IQSEC1: variants seen among roughly 807,000 people sequenced by gnomAD.
The protein encoded by IQSEC1 is IQ motif and Sec7 domain ArfGEF 1.
A neutral mutation model predicts 91.0 loss-of-function variants in IQSEC1; 31 were observed. That is an observed-to-expected ratio of 0.34 (90% confidence interval 0.26 to 0.46). IQSEC1 has a LOEUF of 0.46. Ranked by LOEUF, IQSEC1 falls within the 20% of genes least tolerant of loss-of-function variation. The pLI is 1.00. For missense variants in IQSEC1, 1,388 were observed against 1,575.6 expected (o/e 0.88, Z 2.02); for synonymous variants, 699 against 662.6 (o/e 1.05, Z -0.84).
chr3:12,907,661 C>T (rs908042309), intron 12 of IQSEC1, among the ~76,000 whole-genome samples: 1 of 152,256 alleles, frequency 6.6e-6, no homozygotes, highest in Admixed American at 6.5e-5. Context: ...CTGGCAAAAG[C>T]CCCTGAGCCT....
At chr3:12,944,736 C>G (rs2125382830) in intron 1 of IQSEC1, among the ~76,000 whole-genome samples, 1 of 152,288 alleles carries the variant, frequency 6.6e-6, no homozygotes, top group East Asian at 1.9e-4. Flanking sequence ...TCTCATCACC[C>G]TAAGTTCACA....
rs778585103 is a variant in IQSEC1 at position 13,282,286 on chromosome 3, G to T, written c.272+425C>A. ...CCAGGCCCGCTCCAGGGCGGGATCCGCGCGGCCCGCGACCCCTCCCTACCG... is the reference window on the plus strand; with the variant it reads ...CCAGGCCCGCTCCAGGGCGGGATCCTCGCGGCCCGCGACCCCTCCCTACCG... On this transcript the variant is annotated intron_variant, in intron 1 of 15. Coordinates refer to the IQSEC1 transcript ENST00000648114. The surrounding 1 kb of genome is among the most constrained non-coding windows in gnomAD (Gnocchi z 6.4). Among the ~76,000 whole-genome samples, 50 of 152,164 alleles carry T rather than the reference G, an allele frequency of 3.3e-4. No homozygotes were observed. Among genetic ancestry groups the T allele is most frequent in the South Asian group, 1.9e-3 (9 of 4,830 alleles).
intron 1 of IQSEC1, among the ~76,000 whole-genome samples, chr3:13,190,677 T>C (rs1694008335): frequency 6.6e-6 from 1 of 152,236 alleles, no homozygotes; most frequent in African/African-American, 2.4e-5. Context: ...TTCATGCCAT[T>C]GTTGTTTTAG....
chr3:13,249,167 C>CTTTT (rs60976247), intron 1 of IQSEC1, among the ~76,000 whole-genome samples: 20 of 106,728 alleles, frequency 1.9e-4, no homozygotes, highest in Non-Finnish European at 2.5e-4. Flanking sequence ...GAAGGAATTT[C>CTTTT]TTTTTTTTTT....
intron 1 of IQSEC1, among the ~76,000 whole-genome samples, chr3:12,952,546 G>A (rs1053297592): frequency 6.6e-5 from 10 of 151,912 alleles, no homozygotes; most frequent in African/African-American, 2.4e-4. Context: ...CCCAGCAACT[G>A]AGGTCCTGTG....
At chr3:13,183,566 AAAC>A (rs1450078517) in intron 1 of IQSEC1, among the ~76,000 whole-genome samples, 2 of 152,190 alleles carry the variant, frequency 1.3e-5, no homozygotes, top group Non-Finnish European at 2.9e-5. Context: ...ATTCCATCTC[AAAC>A]AAAAAAAAAG....
intron 1 of IQSEC1, chr3:12,986,973 TG>T (rs752366774): frequency 4.6e-6 from 2 of 432,106 alleles, no homozygotes; most frequent in Non-Finnish European, 9.3e-6. Flanking sequence ...TCCCTTACCT[TG>T]GTCCAGTGCT....
chr3:13,046,200 C>A (rs553418766), intron 1 of IQSEC1, among the ~76,000 whole-genome samples: 6 of 152,214 alleles, frequency 3.9e-5, no homozygotes, highest in Non-Finnish European at 5.9e-5. Context: ...AGCCCTGACT[C>A]GCTGGGCCAT....
At chr3:13,236,930 C>T (rs1325894408) in intron 1 of IQSEC1, among the ~76,000 whole-genome samples, 1 of 152,192 alleles carries the variant, frequency 6.6e-6, no homozygotes, top group Non-Finnish European at 1.5e-5. Context: ...GAAGGCTGCT[C>T]TGCTTGTCTG....
intron 12 of IQSEC1, among the ~76,000 whole-genome samples, chr3:12,904,120 G>T (rs1303508925): frequency 1.3e-5 from 2 of 152,272 alleles, no homozygotes; most frequent in African/African-American, 4.8e-5. Flanking sequence ...AAGGCCACCA[G>T]CCAGTGACAG....
rs536344893 is a variant in IQSEC1 at position 13,121,703 on chromosome 3, CAA to C, written c.302+42399_302+42400del. On this transcript the variant is annotated intron_variant, in intron 2 of 15. Transcript: ENST00000648114. ...TAGCCTGGCCACTGACTGTGAGGTG[CAA>C]AAGAGAGCAGAGAGAATGGGGCAGG... Among the ~76,000 whole-genome samples, 19 of 152,196 alleles carry C rather than the reference CAA, an allele frequency of 1.2e-4. No individual in the cohort carries two copies. In the South Asian group the frequency reaches 3.1e-3, roughly 25 times the overall value.
chr3:13,186,993 C>A (rs544384971), intron 1 of IQSEC1, among the ~76,000 whole-genome samples: 11 of 152,022 alleles, frequency 7.2e-5, no homozygotes. Context: ...TCCTTCCTGC[C>A]GCCTTTTCTT....
chr3:13,050,300 A>G (rs1704649665), intron 1 of IQSEC1, among the ~76,000 whole-genome samples: 1 of 152,106 alleles, frequency 6.6e-6, no homozygotes, highest in Admixed American at 6.5e-5. Context: ...GGCCAGGAAC[A>G]GGCCCCAGCA....
At chr3:13,238,721 C>G (rs1694973348) in intron 1 of IQSEC1, among the ~76,000 whole-genome samples, 2 of 152,138 alleles carry the variant, frequency 1.3e-5, no homozygotes, top group African/African-American at 4.8e-5. Flanking sequence ...CTCCTAGAAA[C>G]AGTGAGCTCC....
chr3:13,159,976 A>G (rs986629840), intron 2 of IQSEC1, among the ~76,000 whole-genome samples: 1 of 152,212 alleles, frequency 6.6e-6, no homozygotes, highest in African/African-American at 2.4e-5. Context: ...GAGGGCCTCC[A>G]GAGCCTTCCT....
chr3:12,975,324 G>A (rs1301835014), intron 1 of IQSEC1, among the ~76,000 whole-genome samples: 2 of 152,230 alleles, frequency 1.3e-5, no homozygotes, highest in African/African-American at 4.8e-5. Context: ...TCTGGAGCAT[G>A]ATCTTGAATC....
At chr3:12,963,560 T>G (rs1300673714) in intron 1 of IQSEC1, among the ~76,000 whole-genome samples, 4 of 152,216 alleles carry the variant, frequency 2.6e-5, no homozygotes, top group Non-Finnish European at 4.4e-5. Context: ...TCTGTATGCT[T>G]TGGTCACCAG....
intron 3 of IQSEC1, among the ~76,000 whole-genome samples, chr3:12,926,307 G>A (rs1433110497): frequency 4.9e-5 from 3 of 61,166 alleles, no homozygotes. Flanking sequence ...AAGACTCCAT[G>A]TCAAAAAAAA....
intron 5 of IQSEC1, 123 bp from the exon 6 acceptor site, chr3:12,920,719 CACCT>C: frequency 9.7e-7 from 1 of 1,028,212 alleles, no homozygotes; most frequent in Non-Finnish European, 1.4e-6. Flanking sequence ...GCGAGGATCA[CACCT>C]GCCTGTCGGA....
Sources: gnomAD v4.1 joint callset for allele counts (sites outside exome capture counted in the v4.1 genomes callset) on GRCh38, gnomAD v4.1.1 for gene constraint, Gnocchi (gnomAD v3.1) non-coding constraint, MANE v1.5 for transcripts, NCBI Gene and HGNC (gene_info 2026-07-23, HGNC 2026-07-21) for gene names.